Variants in COL25A1 observed in about 807,000 individuals in gnomAD.
COL25A1 encodes the protein collagen type XXV alpha 1 chain, also known as collagen alpha-1(XXV) chain.
A neutral mutation model predicts 128.4 loss-of-function variants in COL25A1; 103 were observed. That is an observed-to-expected ratio of 0.80 (90% CI 0.68 to 0.94). The LOEUF is 0.94. COL25A1 is among the 40% of genes least tolerant of loss of function. COL25A1 has a pLI of 0.00. For missense variants in COL25A1, 745 were observed against 840.0 expected, an observed-to-expected ratio of 0.89 and a Z score of 1.40; for synonymous variants, 279 against 277.2, an observed-to-expected ratio of 1.01 and a Z score of -0.06.
chr4:109,176,364 T>C (rs1774094767), intron 3 of COL25A1, among the ~76,000 whole-genome samples: 1 of 152,138 alleles, frequency 6.6e-6, no homozygotes, highest in Admixed American at 6.6e-5. Flanking sequence ...CACTCCAGCC[T>C]GGTGACAGAG....
chr4:109,068,387 G>GGGAGAGAGGAAGGAA lies in COL25A1; in HGVS notation c.368-18223_368-18209dup, dbSNP rs1762637001. 4.6e-5 allele frequency among the ~76,000 whole-genome samples: 7 copies of GGGAGAGAGGAAGGAA among 152,118 alleles called. No individual in the cohort carries two copies. The South Asian group carries it at 1.5e-3, about 32-fold the overall frequency. ...TTTTTGACAGCCAGACTGAAAGGGA[G>GGGAGAGAGGAAGGAA]GGAGAGAGGAAGGAAGGAAAGAGGA... On this transcript the variant is annotated intron_variant, in intron 3 of 37. Coordinates refer to ENST00000399132, the MANE Select transcript of COL25A1 (RefSeq NM_198721.4).
intron 13 of COL25A1, among the ~76,000 whole-genome samples, chr4:108,912,175 G>C (rs190624031): frequency 3.2e-4 from 49 of 152,186 alleles, no homozygotes; most frequent in African/African-American, 1.1e-3. Flanking sequence ...GTATAAAAAT[G>C]GCTGAGAATG....
intron 3 of COL25A1, among the ~76,000 whole-genome samples, chr4:109,053,543 G>A (rs145569074): frequency 8.9e-4 from 136 of 152,286 alleles, no homozygotes; most frequent in African/African-American, 1.6e-3. Context: ...GTTATTGGAA[G>A]TAGCTGGAAT....
chr4:108,967,007 C>T (rs1401464093), intron 8 of COL25A1, among the ~76,000 whole-genome samples: 1 of 152,060 alleles, frequency 6.6e-6, no homozygotes, highest in Non-Finnish European at 1.5e-5. Flanking sequence ...GTTCTACTAA[C>T]TTACAGCATT....
intron 3 of COL25A1, among the ~76,000 whole-genome samples, chr4:109,060,605 T>C (rs1027236173): frequency 1.3e-5 from 2 of 151,966 alleles, no homozygotes; most frequent in African/African-American, 2.4e-5. Flanking sequence ...CATCTCTGAA[T>C]GTCTCTCATT....
chr4:108,861,035 G>T, intron 22 of COL25A1, 64 bp from the exon 23 acceptor site: 1 of 1,423,802 alleles, frequency 7.0e-7, no homozygotes, highest in South Asian at 1.1e-5. Context: ...TCTCGTGTAA[G>T]AACATGTTTA....
At chr4:109,299,186 C>G (rs558495008) in intron 3 of COL25A1, among the ~76,000 whole-genome samples, 5 of 152,226 alleles carry the variant, frequency 3.3e-5, no homozygotes, top group Admixed American at 1.3e-4. Context: ...CTGGACTCTA[C>G]GTGGTATGAT....
intron 5 of COL25A1, among the ~76,000 whole-genome samples, chr4:109,013,498 C>CTTTGTTCTTCACACTGTGTAGGT (rs1182213282): frequency 6.6e-6 from 1 of 151,646 alleles, no homozygotes; most frequent in African/African-American, 2.4e-5. Context: ...ACTGTGTAGG[C>CTTTGTTCTTCACACTGTGTAGGT]TTTGTTCTTT....
rs369700003 is a variant in COL25A1, at chr4:109,260,850, GA to G, written c.367+39732del. On this transcript the variant is annotated intron_variant, in intron 3 of 37. Transcript: ENST00000399132. Reference sequence around the variant, plus strand: ...TTTATATTAATTTCACAATCAGGAGGAAAAAAAACAATATTATAAAAGAAAA... The same window carrying G: ...TTTATATTAATTTCACAATCAGGAGGAAAAAAACAATATTATAAAAGAAAA... 3.6e-3 allele frequency among the ~76,000 whole-genome samples: 540 copies of G among 150,848 alleles called. 7 individuals carry two copies. The highest frequency in any genetic ancestry group is 0.012 in the African/African-American group (497 of 41,192).
intron 3 of COL25A1, among the ~76,000 whole-genome samples, chr4:109,064,373 C>T (rs1354942014): frequency 6.6e-6 from 1 of 152,160 alleles, no homozygotes; most frequent in Non-Finnish European, 1.5e-5. Context: ...CCATAGTATG[C>T]AAGTTTAGTT....
At position 108,828,565 on chromosome 4, in the gene COL25A1, G is replaced by C. The variant is rs552890738; in HGVS notation, c.1711-1377C>G. Among the ~76,000 whole-genome samples the C allele has an allele frequency of 2.0e-5, 3 of 152,180 alleles. No individual in the cohort carries two copies. The South Asian group carries it at 6.2e-4, about 32-fold the overall frequency. ...TTTCCCCATCTTACACGATATTCTT[G>C]AACACTTATAAAGAATAAGTGTTAT... On this transcript the variant is annotated intron_variant, in intron 32 of 37. Transcript: ENST00000399132.
chr4:109,083,447 A>C (rs1222341994), intron 3 of COL25A1, among the ~76,000 whole-genome samples: 4 of 124,342 alleles, frequency 3.2e-5, no homozygotes, highest in African/African-American at 6.5e-5. Flanking sequence ...ACACTAAATA[A>C]ATTTTTTTTT....
chr4:109,172,974 T>C (rs891682290), intron 3 of COL25A1, among the ~76,000 whole-genome samples: 2 of 152,210 alleles, frequency 1.3e-5, no homozygotes, highest in African/African-American at 4.8e-5. Context: ...TTGATGACAT[T>C]CTATCTAGCA....
chr4:109,223,286 C>G (rs941322160), intron 3 of COL25A1, among the ~76,000 whole-genome samples: 3 of 152,160 alleles, frequency 2.0e-5, no homozygotes, highest in African/African-American at 7.2e-5. Context: ...CATTACAATT[C>G]TAACACGTCT....
chr4:108,937,384 C>T (rs1747549666), intron 11 of COL25A1, among the ~76,000 whole-genome samples: 1 of 151,896 alleles, frequency 6.6e-6, no homozygotes, highest in Admixed American at 6.6e-5. Flanking sequence ...CGATTTTTCT[C>T]CGGGTAGAGA....
chr4:108,947,895 T>C (rs1376937838), intron 8 of COL25A1, among the ~76,000 whole-genome samples: 3 of 152,136 alleles, frequency 2.0e-5, no homozygotes, highest in South Asian at 4.1e-4. Context: ...GGGGCCCCAA[T>C]AGCAAGTCAT....
At chr4:109,130,157 C>T (rs974295943) in intron 3 of COL25A1, among the ~76,000 whole-genome samples, 1 of 151,640 alleles carries the variant, frequency 6.6e-6, no homozygotes, top group African/African-American at 2.4e-5. Flanking sequence ...TAATAAAATC[C>T]CTCTAGACTG....
chr4:109,161,996 C>A (rs1772624608), intron 3 of COL25A1, among the ~76,000 whole-genome samples: 1 of 152,150 alleles, frequency 6.6e-6, no homozygotes, highest in African/African-American at 2.4e-5. Context: ...CCAGCCATTC[C>A]AACATCATGT....
At chr4:109,048,428 T>C (rs991654377) in intron 4 of COL25A1, among the ~76,000 whole-genome samples, 3 of 152,206 alleles carry the variant, frequency 2.0e-5, no homozygotes, top group Non-Finnish European at 4.4e-5. Context: ...AGCCTGTCTA[T>C]GAATTACTGA....
Sources: gnomAD v4.1 joint callset for allele counts (sites outside exome capture counted in the v4.1 genomes callset) on GRCh38, gnomAD v4.1.1 for gene constraint, MANE v1.5 for transcripts, NCBI Gene and HGNC (gene_info 2026-07-23, HGNC 2026-07-21) for gene names.